Variants in MAPK8 observed in about 807,000 individuals in gnomAD.
The protein encoded by MAPK8 is JUN N-terminal kinase.
MAPK8 carries 13 observed loss-of-function variants against 52.9 expected under a neutral mutation model. The ratio of observed to expected loss-of-function variants is 0.25; its 90% CI spans 0.16 to 0.39. MAPK8 has a LOEUF of 0.39. MAPK8 is among the 10% of genes least tolerant of loss of function. The pLI, the probability that MAPK8 is intolerant of heterozygous loss-of-function variation, is 1.00. For synonymous variants in MAPK8, 191 were observed against 169.8 expected (o/e 1.12, Z -0.97); for missense variants, 300 against 519.2 (o/e 0.58, Z 4.10).
intron 1 of MAPK8, among the ~76,000 whole-genome samples, chr10:48,348,822 A>G (rs10218874): frequency 0.5 from 76,400 of 151,718 alleles, 19,841 homozygotes; most frequent in Middle Eastern, 0.72. Flanking sequence ...AGGTAGTGTG[A>G]TGCCTCGAGC....
rs73293176 is a variant in MAPK8, at chr10:48,327,612, A to G, written c.-50+20791A>G. The stretch of plus-strand genomic sequence containing the variant: ...CTGCTCTTTTAGAATAAGTCAGGAA[A>G]TGTTCCTTCTGTTTTTATTTTCTGC... On this transcript the variant is annotated intron_variant, in intron 1 of 11. Transcript: ENST00000374189. 3.0e-3 allele frequency among the ~76,000 whole-genome samples: 453 copies of G among 152,280 alleles called. 4 individuals carry two copies. Among genetic ancestry groups the G allele is most frequent in the African/African-American group, 0.011 (440 of 41,550 alleles).
chr10:48,438,267 C>T lies in MAPK8; in HGVS notation c.*3238C>T, dbSNP rs2045018668. The T allele has an allele frequency of 6.6e-6, 1 of 152,198 alleles. No homozygotes were observed. The highest frequency in any genetic ancestry group is 6.5e-5 in the Admixed American group (1 of 15,282). The allele number at this position is 152,198 out of a possible 1,614,324, so 9.4% of individuals were successfully genotyped here. Reference sequence around the variant, plus strand: ...CCTCTTAAATGTTGCCTCTCCGTATCCTGTTGCATTTTTGTGTGCATTGTG... The same window carrying T: ...CCTCTTAAATGTTGCCTCTCCGTATTCTGTTGCATTTTTGTGTGCATTGTG... On this transcript the variant is annotated 3_prime_UTR_variant, in exon 12 of 12. Coordinates refer to ENST00000374189, the MANE Select transcript of MAPK8 (RefSeq NM_001323329.2).
intron 1 of MAPK8, among the ~76,000 whole-genome samples, chr10:48,340,310 G>A (rs145212284): frequency 7.3e-4 from 111 of 152,226 alleles, no homozygotes; most frequent in African/African-American, 2.5e-3. Flanking sequence ...GAAAAATACC[G>A]TATGTTCTTA....
intron 1 of MAPK8, among the ~76,000 whole-genome samples, chr10:48,377,313 C>G (rs987042189): frequency 4.0e-5 from 6 of 151,878 alleles, no homozygotes; most frequent in African/African-American, 1.5e-4. Flanking sequence ...ACCTATGTAA[C>G]AGACCTGCAC....
At position 48,319,305 on chromosome 10, in the gene MAPK8, A is replaced by G. The variant is rs144273491; in HGVS notation, c.-50+12484A>G. Among the ~76,000 whole-genome samples the G allele has an allele frequency of 3.0e-3, 452 of 152,278 alleles. 1 individual carries two copies. Among genetic ancestry groups the G allele is most frequent in the African/African-American group, 8.2e-3 (342 of 41,552 alleles). Reference sequence around the variant, plus strand: ...GAAATATACAGCTCAAAGCTTTTTTAGTATATTCCTGGAATAATGGAGCCA... The same window carrying G: ...GAAATATACAGCTCAAAGCTTTTTTGGTATATTCCTGGAATAATGGAGCCA... On this transcript the variant is annotated intron_variant, in intron 1 of 11. Transcript: ENST00000374189.
Position 48,426,390 on chromosome 10 carries a change from A to G in MAPK8, c.882A>G (p.Ala294=). The part of the protein sequence containing the change: ...SEHNKLKASQ[A]RDLLSKMLVI... ...CCATTATGTTTGCAGCCAGTCAGGCAAGGGATTTGTTATCCAAAATGCTGG... is the reference window on the plus strand; with the variant it reads ...CCATTATGTTTGCAGCCAGTCAGGCGAGGGATTTGTTATCCAAAATGCTGG... The change falls in exon 9 of 12, where the codon GCA becomes GCG. Residue 294 remains alanine, a synonymous_variant. Coordinates refer to ENST00000374189, the MANE Select transcript of MAPK8 (RefSeq NM_001323329.2). The G allele has an allele frequency of 1.2e-6, 2 of 1,608,384 alleles. No homozygotes were observed. Among genetic ancestry groups the G allele is most frequent in the Non-Finnish European group, 1.7e-6 (2 of 1,178,064 alleles).
intron 3 of MAPK8, among the ~76,000 whole-genome samples, chr10:48,407,740 G>A (rs1028433395): frequency 1.1e-4 from 17 of 152,228 alleles, no homozygotes; most frequent in Non-Finnish European, 2.5e-4. Context: ...CAGGATAAAA[G>A]AAAGAAATCT....
In MAPK8 at chr10:48,351,272, A is replaced by ATTTTTT. The variant is rs66660207; in HGVS notation, c.-50+44464_-50+44469dup. The stretch of plus-strand genomic sequence containing the variant: ...ACAGAATTAGAAAAAATAACTTTGA[A>ATTTTTT]TTTTTTTTTTTTTTTTTTGAGACAG... On this transcript the variant is annotated intron_variant, in intron 1 of 11. Transcript: ENST00000374189. Among the ~76,000 whole-genome samples, 150 of 129,472 alleles carry ATTTTTT rather than the reference A, an allele frequency of 1.2e-3. 10 individuals carry two copies. Among genetic ancestry groups the ATTTTTT allele is most frequent in the South Asian group, 1.5e-3 (6 of 4,094 alleles). The allele number at this position is 129,472 out of a possible 152,430, so 84.9% of individuals were successfully genotyped here. A position where few individuals can be genotyped will look rare whatever the true frequency, so the allele number is the denominator to read the frequency against.
chr10:48,426,702 C>T (rs2043705459), intron 9 of MAPK8, 198 bp downstream of exon 9: 2 of 558,882 alleles, frequency 3.6e-6, no homozygotes, highest in Non-Finnish European at 3.0e-6. Flanking sequence ...AAAGTTACCT[C>T]CCACTGTTTT....
intron 1 of MAPK8, among the ~76,000 whole-genome samples, chr10:48,361,635 G>A (rs1336422779): frequency 6.6e-6 from 1 of 152,060 alleles, no homozygotes; most frequent in Non-Finnish European, 1.5e-5. Context: ...TACTAACATT[G>A]CTCTCTCTTG....
chr10:48,352,304 G>T (rs1028951447), intron 1 of MAPK8, among the ~76,000 whole-genome samples: 1 of 150,066 alleles, frequency 6.7e-6, no homozygotes, highest in Non-Finnish European at 1.5e-5. Flanking sequence ...CAAAAGCAAA[G>T]ACAATACCAA....
chr10:48,409,982 T>C, intron 4 of MAPK8, 45 bp downstream of exon 4: 1 of 1,608,516 alleles, frequency 6.2e-7, no homozygotes, highest in Non-Finnish European at 8.5e-7. Flanking sequence ...ACATTTTTCT[T>C]AGATTGCTGC....
chr10:48,321,277 T>TG (rs1842974622), intron 1 of MAPK8, among the ~76,000 whole-genome samples: 1 of 151,980 alleles, frequency 6.6e-6, no homozygotes, highest in East Asian at 1.9e-4. Context: ...TTTGTAGAGA[T>TG]GGGGTCTCAC....
chr10:48,427,066 C>G lies in MAPK8; in HGVS notation c.997-14C>G. On this transcript the variant is annotated splice_polypyrimidine_tract_variant and intron_variant, in intron 9 of 11. Transcript: ENST00000374189. ...AGCATACTGACTTGGTTATTATTGC[C>G]TTGTGTTTTTCAGCCACCACCAAAG... 6.2e-7 allele frequency: 1 copy of G among 1,608,704 alleles called. No homozygotes were observed. The highest frequency in any genetic ancestry group is 8.5e-7 in the Non-Finnish European group (1 of 1,175,688).
At chr10:48,374,182 T>C (rs541612262) in intron 1 of MAPK8, among the ~76,000 whole-genome samples, 12 of 152,324 alleles carry the variant, frequency 7.9e-5, no homozygotes, top group Admixed American at 2.0e-4. Flanking sequence ...AATAAAGATG[T>C]TCTTTGAAAC....
At chr10:48,363,987 C>A (rs1015453730) in intron 1 of MAPK8, among the ~76,000 whole-genome samples, 4 of 152,138 alleles carry the variant, frequency 2.6e-5, no homozygotes, top group African/African-American at 9.7e-5. Context: ...AATTCAATTG[C>A]CAATAATCTA....
intron 1 of MAPK8, among the ~76,000 whole-genome samples, chr10:48,331,220 A>T (rs1293713986): frequency 1.3e-5 from 2 of 152,290 alleles, no homozygotes; most frequent in East Asian, 3.9e-4. Flanking sequence ...TGCGAGAGCT[A>T]TCCCTGATTT....
rs574643625 is a variant in MAPK8, at chr10:48,427,082, A to T, written c.999A>T (p.Pro333=). The T allele has an allele frequency of 9.3e-6, 15 of 1,612,840 alleles. No individual in the cohort carries two copies. Among genetic ancestry groups the T allele is most frequent in the Non-Finnish European group, 1.3e-5 (15 of 1,179,132 alleles). The stretch of plus-strand genomic sequence containing the variant: ...TATTATTGCCTTGTGTTTTTCAGCC[A>T]CCACCAAAGATCCCTGACAAGCAGT... ...VWYDPSEAEA[P]PPKIPDKQLD... is the part of the protein sequence containing the mutation. The change falls in exon 10 of 12, where the codon CCA becomes CCT. Residue 333 remains proline, a splice_region_variant and synonymous_variant. Transcript: ENST00000374189.
At chr10:48,369,881 G>T (rs1391374437) in intron 1 of MAPK8, among the ~76,000 whole-genome samples, 1 of 152,274 alleles carries the variant, frequency 6.6e-6, no homozygotes, top group East Asian at 1.9e-4. Flanking sequence ...GATGACCTTG[G>T]TGAATGAGCT....
Sources: allele counts gnomAD v4.1 joint callset (sites outside exome capture counted in the v4.1 genomes callset), GRCh38; gene constraint gnomAD v4.1.1; transcripts MANE v1.5; gene names NCBI Gene and HGNC (gene_info 2026-07-23, HGNC 2026-07-21).